Variants in ALDH6A1 observed in about 807,000 individuals in gnomAD.
The protein encoded by ALDH6A1 is aldehyde dehydrogenase 6 family member A1, also known as methylmalonate-semialdehyde/malonate-semialdehyde dehydrogenase [acylating], mitochondrial.
ALDH6A1 carries 43 observed loss-of-function variants against 62.6 expected under a neutral mutation model. That is an observed-to-expected ratio of 0.69 (90% CI 0.54 to 0.89). The LOEUF (loss-of-function observed/expected upper bound fraction) is 0.89. Ranked by LOEUF, ALDH6A1 falls within the 40% of genes least tolerant of loss-of-function variation. The probability of loss-of-function intolerance (pLI) is 0.00; values close to 1 mark genes in which losing one functional copy is unlikely to be tolerated. For missense variants in ALDH6A1, 551 were observed against 661.3 expected (o/e 0.83, Z 1.83); for synonymous variants, 194 against 234.2 (o/e 0.83, Z 1.57).
chr14:74,057,422 A>G lies in ALDH6A1; in HGVS notation c.*3220T>C, dbSNP rs758194884. 1.4e-5 allele frequency: 22 copies of G among 1,518,854 alleles called. No individual in the cohort carries two copies. The South Asian group carries it at 2.2e-4, about 15-fold the overall frequency. 94.1% of individuals were successfully genotyped at this position (1,518,854 alleles called of 1,614,324 possible). On this transcript the variant is annotated 3_prime_UTR_variant, in exon 12 of 12. Coordinates refer to ENST00000553458, the MANE Select transcript of ALDH6A1 (RefSeq NM_005589.4). ...AGATTACATAAATTTTTAAAGCAAT[A>G]TCCGTACAAATGCATATTATACTAA... is the stretch of plus-strand genomic sequence containing the variant.
intron 7 of ALDH6A1, among the ~76,000 whole-genome samples, chr14:74,068,182 C>T (rs1030049269): frequency 1.3e-5 from 2 of 150,412 alleles, no homozygotes; most frequent in African/African-American, 4.9e-5. Context: ...GTCAGGAGTT[C>T]AAGACCAGCT....
At chr14:74,061,917 C>T (rs911985927) in intron 11 of ALDH6A1, among the ~76,000 whole-genome samples, 3 of 151,814 alleles carry the variant, frequency 2.0e-5, no homozygotes, top group African/African-American at 7.3e-5. Flanking sequence ...AATAATTAAA[C>T]TGGGGGGTGC....
intron 9 of ALDH6A1, 85 bp from the exon 10 acceptor site, chr14:74,065,445 A>G (rs1370681377): frequency 3.4e-5 from 42 of 1,221,740 alleles, no homozygotes; most frequent in Non-Finnish European, 4.6e-5. Flanking sequence ...CACTTACTAC[A>G]CATCATTTAC....
chr14:74,057,264 G>C lies in ALDH6A1; in HGVS notation c.*3378C>G, dbSNP rs1181396750. 6.2e-7 allele frequency: 1 copy of C among 1,613,998 alleles called. No homozygotes were observed. The highest frequency in any genetic ancestry group is 8.5e-7 in the Non-Finnish European group (1 of 1,180,002). On this transcript the variant is annotated 3_prime_UTR_variant, in exon 12 of 12. Transcript: ENST00000553458. ...AACCTCAGGAGTCTGACACAGTAAG[G>C]AGTCTGTATCTAATCAAACAATGTA...
chr14:74,083,369 G>A (rs1475870673), intron 1 of ALDH6A1, among the ~76,000 whole-genome samples: 1 of 152,180 alleles, frequency 6.6e-6, no homozygotes, highest in Non-Finnish European at 1.5e-5. Context: ...GGTAGGCCAT[G>A]AACAGGGGAA....
Position 74,057,099 on chromosome 14 carries a change from G to T in ALDH6A1, c.*3543C>A, listed in dbSNP as rs2060229179. The T allele has an allele frequency of 1.3e-6, 2 of 1,598,778 alleles. No individual in the cohort carries two copies. Among genetic ancestry groups the T allele is most frequent in the Non-Finnish European group, 1.7e-6 (2 of 1,171,202 alleles). ...TCTGTTATTCTAAACCAGGTTTCATGTGTGTAGAGTTGTTGACGGTTCTGT... is the reference window on the plus strand; with the variant it reads ...TCTGTTATTCTAAACCAGGTTTCATTTGTGTAGAGTTGTTGACGGTTCTGT... On this transcript the variant is annotated 3_prime_UTR_variant, in exon 12 of 12. Transcript: ENST00000553458.
chr14:74,068,928 A>G lies in ALDH6A1; in HGVS notation c.784T>C (p.Ser262Pro). The G allele has an allele frequency of 6.2e-7, 1 of 1,614,024 alleles. No individual in the cohort carries two copies. The highest frequency in any genetic ancestry group is 8.5e-7 in the Non-Finnish European group (1 of 1,179,976). Residue 262 changes from serine to proline, a missense_variant, in exon 7 of 12, where the codon TCC becomes CCC. Physicochemically the swap from Ser to Pro is moderately conservative, Grantham distance 74 (BLOSUM62 -1). Transcript: ENST00000553458. Reference protein sequence around the residue: ...PDIKAISFVGSNKAGEYIFER... With the variant: ...PDIKAISFVGPNKAGEYIFER... Reference sequence around the variant, plus strand: ...AAGATATACTCTCCTGCCTTGTTGGATCCCACAAAGCTGATTGCTTTGATG... The same window carrying G: ...AAGATATACTCTCCTGCCTTGTTGGGTCCCACAAAGCTGATTGCTTTGATG...
In ALDH6A1 at chr14:74,060,732, G is replaced by A. The variant is rs774921231; in HGVS notation, c.1518C>T (p.Tyr506=). 6.2e-7 allele frequency: 1 copy of A among 1,612,188 alleles called. No homozygotes were observed. The highest frequency in any genetic ancestry group is 8.5e-7 in the Non-Finnish European group (1 of 1,178,282). The change falls in exon 12 of 12, where the codon TAC becomes TAT. Residue 506 remains tyrosine, a synonymous_variant. Coordinates refer to ENST00000553458, the MANE Select transcript of ALDH6A1 (RefSeq NM_005589.4). The stretch of plus-strand genomic sequence containing the variant: ...GAGAAGTAATGGTCTTTAACTGAGT[G>A]TAGAATTGGATGCCCTAAGGAAAAC... The part of the protein sequence containing the change: ...NFYGKQGIQF[Y]TQLKTITSQW...
chr14:74,070,535 A>G (rs2060535372), intron 6 of ALDH6A1, among the ~76,000 whole-genome samples: 2 of 152,060 alleles, frequency 1.3e-5, no homozygotes, highest in Admixed American at 6.6e-5. Context: ...AAGAATAACA[A>G]TATTTCCTCA....
At chr14:74,062,487 G>A (rs2060368855) in intron 11 of ALDH6A1, among the ~76,000 whole-genome samples, 1 of 151,950 alleles carries the variant, frequency 6.6e-6, no homozygotes, top group South Asian at 2.1e-4. Context: ...TGTAATCCCA[G>A]CTACTCGGGA....
chr14:74,082,227 G>A (rs987319853), intron 1 of ALDH6A1, among the ~76,000 whole-genome samples: 3 of 152,058 alleles, frequency 2.0e-5, no homozygotes, highest in African/African-American at 7.2e-5. Context: ...ATCTCTGCAT[G>A]GGAGTGATAA....
In ALDH6A1 at chr14:74,064,913, A is replaced by G; in HGVS notation, c.1412T>C (p.Val471Ala). The G allele has an allele frequency of 6.2e-7, 1 of 1,613,600 alleles. No homozygotes were observed. Among genetic ancestry groups the G allele is most frequent in the African/African-American group, 1.3e-5 (1 of 75,022 alleles). The change falls in exon 11 of 12, where the codon GTG becomes GCG. Residue 471 changes from valine to alanine, a missense_variant. Coordinates refer to ENST00000553458, the MANE Select transcript of ALDH6A1 (RefSeq NM_005589.4). Reference sequence around the variant, plus strand: ...CAAAGGCACTGGAATGGGGACATTCACTCCCACCTAAAACAGAACAAATCC... The same window carrying G: ...CAAAGGCACTGGAATGGGGACATTCGCTCCCACCTAAAACAGAACAAATCC... Reference protein sequence around the residue: ...AHLVDVGQVGVNVPIPVPLPM... With the variant: ...AHLVDVGQVGANVPIPVPLPM...
At chr14:74,084,278 TG>T in intron 1 of ALDH6A1, 68 bp downstream of exon 1, 3 of 1,609,014 alleles carry the variant, frequency 1.9e-6, no homozygotes, top group Non-Finnish European at 8.5e-7. Context: ...CGCCCGAGGA[TG>T]GCTCAGGGAG....
chr14:74,069,085 T>G, intron 6 of ALDH6A1, 104 bp from the exon 7 acceptor site: 1 of 1,256,160 alleles, frequency 8.0e-7, no homozygotes, highest in Admixed American at 2.4e-5. Context: ...TTTCCTGTGT[T>G]TTTCTTTTAC....
intron 5 of ALDH6A1, 133 bp downstream of exon 5, chr14:74,071,763 C>T (rs1266930747): frequency 5.5e-6 from 8 of 1,450,148 alleles, no homozygotes; most frequent in Non-Finnish European, 7.7e-6. Context: ...TGCCATTTTT[C>T]ACAAGTATTA....
At position 74,057,016 on chromosome 14, in the gene ALDH6A1, C is replaced by G; in HGVS notation, c.*3626G>C. ...TCTTGCTTAAGTAATAAACATGAGC[C>G]CAACACGATGGTTCTTGTGGGCATC... On this transcript the variant is annotated 3_prime_UTR_variant, in exon 12 of 12. Transcript: ENST00000553458. 2 of 1,588,716 alleles carry G rather than the reference C, an allele frequency of 1.3e-6. No individual in the cohort carries two copies. The highest frequency in any genetic ancestry group is 1.7e-6 in the Non-Finnish European group (2 of 1,160,514).
rs371650252 is a variant in ALDH6A1 at position 74,058,448 on chromosome 14, G to GGA, written c.*2193_*2194insTC. The GGA allele has an allele frequency of 2.7e-5, 3 of 110,022 alleles. No individual in the cohort carries two copies. The highest frequency in any genetic ancestry group is 1.8e-4 in the Admixed American group (2 of 11,332). 6.8% of individuals were successfully genotyped at this position (110,022 alleles called of 1,614,324 possible). A position where few individuals can be genotyped will look rare whatever the true frequency, so the allele number is the denominator to read the frequency against. ...CTATTGCCTCATATTTAGGAAAGCA[G>GGA]AAAAAAAAAAAAAAAAGGCCCAGTA... On this transcript the variant is annotated 3_prime_UTR_variant, in exon 12 of 12. Coordinates refer to ENST00000553458, the MANE Select transcript of ALDH6A1 (RefSeq NM_005589.4).
At chr14:74,062,838 A>C (rs1222873750) in intron 11 of ALDH6A1, among the ~76,000 whole-genome samples, 3 of 152,140 alleles carry the variant, frequency 2.0e-5, no homozygotes, top group South Asian at 4.1e-4. Context: ...AAAAGGGGAG[A>C]CTTGTATAAC....
chr14:74,075,104 A>C, intron 1 of ALDH6A1, 87 bp from the exon 2 acceptor site: 2 of 1,202,552 alleles, frequency 1.7e-6, no homozygotes, highest in Non-Finnish European at 2.4e-6. Flanking sequence ...GCTATTTGCT[A>C]TAGTATATAG....
Sources: gnomAD v4.1 joint callset for allele counts (sites outside exome capture counted in the v4.1 genomes callset) on GRCh38, gnomAD v4.1.1 for gene constraint, MANE v1.5 for transcripts, NCBI Gene and HGNC (gene_info 2026-07-23, HGNC 2026-07-21) for gene names.